The following ABAT variants were observed in gnomAD, a reference collection of about 807,000 sequenced individuals.
The protein encoded by ABAT is 4-aminobutyrate aminotransferase, mitochondrial.
A neutral mutation model predicts 64.6 loss-of-function variants in ABAT; 45 were observed. The ratio of observed to expected loss-of-function variants is 0.70; its 90% CI spans 0.55 to 0.89. The LOEUF (loss-of-function observed/expected upper bound fraction) is 0.89, where lower values mean the gene tolerates loss of function less well. Ranked by LOEUF, ABAT falls within the 40% of genes least tolerant of loss-of-function variation. The pLI, the probability that ABAT is intolerant of heterozygous loss-of-function variation, is 0.00. For synonymous variants in ABAT, 297 were observed against 250.5 expected (o/e 1.19, Z -1.75); for missense variants, 633 against 658.4 (o/e 0.96, Z 0.42).
chr16:8,758,590 G>A (rs969302522), intron 6 of ABAT, among the ~76,000 whole-genome samples: 1 of 152,000 alleles, frequency 6.6e-6, no homozygotes, highest in African/African-American at 2.4e-5. Context: ...TGTGTGGTGG[G>A]GGGCTGTCCT....
At chr16:8,742,510 T>C (rs527887389) in intron 2 of ABAT, among the ~76,000 whole-genome samples, 26 of 152,232 alleles carry the variant, frequency 1.7e-4, no homozygotes, top group Non-Finnish European at 1.5e-4. Flanking sequence ...GAAGATCTAG[T>C]TGGAATCAAT....
intron 5 of ABAT, among the ~76,000 whole-genome samples, chr16:8,755,432 C>T (rs985017491): frequency 1.3e-5 from 2 of 152,212 alleles, no homozygotes; most frequent in African/African-American, 4.8e-5. Flanking sequence ...AGGATGCATT[C>T]ATCAGGGTGA....
chr16:8,701,934 G>A (rs2057833116), intron 1 of ABAT, among the ~76,000 whole-genome samples: 1 of 151,918 alleles, frequency 6.6e-6, no homozygotes. Context: ...AGCAGGAGGG[G>A]GTGGCAGGGA....
In ABAT at chr16:8,747,860, G is replaced by C. The variant is rs555430445; in HGVS notation, c.169-248G>C. 9.2e-5 allele frequency among the ~76,000 whole-genome samples: 14 copies of C among 151,994 alleles called. No homozygotes were observed. In the East Asian group the frequency reaches 2.7e-3, roughly 29 times the overall value. On this transcript the variant is annotated intron_variant, in intron 3 of 15. Coordinates refer to ENST00000268251, the MANE Select transcript of ABAT (RefSeq NM_020686.6). ...TAAGATTTTCTTGCTAAATATTTTA[G>C]TTTATTTTATCTTTCAGGTGGCTGA...
chr16:8,706,676 G>C (rs904155338), intron 1 of ABAT, among the ~76,000 whole-genome samples: 19 of 152,120 alleles, frequency 1.2e-4, no homozygotes, highest in African/African-American at 4.1e-4. Flanking sequence ...TCGTGCCACG[G>C]CACTTCAGCC....
At chr16:8,773,145 C>T (rs12598506) in intron 12 of ABAT, among the ~76,000 whole-genome samples, 1,303 of 103,650 alleles carry the variant, frequency 0.013, 48 homozygotes, top group African/African-American at 0.05. Context: ...CACACACACA[C>T]ACATATATAT....
chr16:8,766,141 G>A (rs896463017), intron 8 of ABAT, 67 bp from the exon 9 acceptor site: 1 of 1,478,602 alleles, frequency 6.8e-7, no homozygotes, highest in African/African-American at 1.4e-5. Context: ...TATCGGTTTG[G>A]TTGGAAAGAT....
intron 1 of ABAT, among the ~76,000 whole-genome samples, chr16:8,733,729 G>C (rs958034183): frequency 6.6e-6 from 1 of 151,842 alleles, no homozygotes; most frequent in Non-Finnish European, 1.5e-5. Flanking sequence ...GCTGAGGCAG[G>C]AGAATCAGGC....
At chr16:8,740,518 C>T (rs756387470) in intron 2 of ABAT, among the ~76,000 whole-genome samples, 33 of 152,256 alleles carry the variant, frequency 2.2e-4, no homozygotes, top group African/African-American at 3.6e-4. Context: ...TTCACAGAGC[C>T]GCTTACAATG....
At chr16:8,750,330 T>C in intron 4 of ABAT, 92 bp from the exon 5 acceptor site, 1 of 1,077,078 alleles carries the variant, frequency 9.3e-7, no homozygotes, top group South Asian at 1.3e-5. Context: ...ATAGTCACGA[T>C]ATGGTGTACT....
intron 1 of ABAT, among the ~76,000 whole-genome samples, chr16:8,715,990 T>C (rs945897633): frequency 6.6e-6 from 1 of 152,160 alleles, no homozygotes; most frequent in African/African-American, 2.4e-5. Flanking sequence ...GTTTCGAGGA[T>C]TACAAGCGGC....
chr16:8,679,569 C>A (rs1265539847), intron 1 of ABAT, among the ~76,000 whole-genome samples: 1 of 151,440 alleles, frequency 6.6e-6, no homozygotes, highest in Non-Finnish European at 1.5e-5. Flanking sequence ...ATAGTAGAAC[C>A]TCTCTCATTG....
chr16:8,769,088 C>T (rs2060027578), intron 11 of ABAT, 115 bp downstream of exon 11: 2 of 1,457,676 alleles, frequency 1.4e-6, no homozygotes, highest in Admixed American at 3.6e-5. Flanking sequence ...CTGTGCAGTG[C>T]TCCCCCAGAG....
chr16:8,743,627 TATATTTTAGTTATAATATATA>T (rs1453842217), intron 2 of ABAT, among the ~76,000 whole-genome samples: 12 of 104,796 alleles, frequency 1.1e-4, no homozygotes, highest in South Asian at 2.9e-4. Context: ...TTATATGATA[TATATTTTAGTTATAATATATA>T]ATATATATTT....
intron 13 of ABAT, among the ~76,000 whole-genome samples, chr16:8,775,937 C>T (rs569629500): frequency 1.3e-5 from 2 of 152,164 alleles, no homozygotes; most frequent in African/African-American, 4.8e-5. Flanking sequence ...AATCCAGTCC[C>T]AACTCCATCT....
rs1332353932 is a variant in ABAT, at chr16:8,691,373, A to G, written c.-42+16662A>G. Reference sequence around the variant, plus strand: ...CACCTGCCTGCAGTTAATACATCACATTGGAGCAGATAACCTGCCACATTT... The same window carrying G: ...CACCTGCCTGCAGTTAATACATCACGTTGGAGCAGATAACCTGCCACATTT... On this transcript the variant is annotated intron_variant, in intron 1 of 15. Transcript: ENST00000268251. 2.0e-5 allele frequency among the ~76,000 whole-genome samples: 3 copies of G among 152,082 alleles called. No homozygotes were observed. The East Asian group carries it at 5.8e-4, about 29-fold the overall frequency.
intron 1 of ABAT, among the ~76,000 whole-genome samples, chr16:8,686,779 G>T (rs528686416): frequency 6.6e-6 from 1 of 152,270 alleles, no homozygotes; most frequent in South Asian, 2.1e-4. Context: ...CTCCATCAAA[G>T]GGTGCAATAA....
intron 1 of ABAT, among the ~76,000 whole-genome samples, chr16:8,719,241 C>T (rs1043530300): frequency 1.3e-5 from 2 of 152,214 alleles, no homozygotes; most frequent in African/African-American, 2.4e-5. Flanking sequence ...CCTTCTGTGG[C>T]GTTGGCCCGG....
intron 1 of ABAT, among the ~76,000 whole-genome samples, chr16:8,689,442 C>A (rs184661115): frequency 1.3e-5 from 2 of 152,338 alleles, no homozygotes; most frequent in African/African-American, 4.8e-5. Flanking sequence ...CCAATCAAGA[C>A]TTACTAACAA....
Sources: allele counts gnomAD v4.1 joint callset (sites outside exome capture counted in the v4.1 genomes callset), GRCh38; gene constraint gnomAD v4.1.1; transcripts MANE v1.5; gene names NCBI Gene and HGNC (gene_info 2026-07-23, HGNC 2026-07-21).